The following MCAT variants were observed in gnomAD, a reference collection of about 807,000 sequenced individuals.
MCAT encodes malonyl-CoA-acyl carrier protein transacylase.
Under a neutral mutation model 22.9 loss-of-function variants are expected in MCAT, and 22 were observed. The ratio of observed to expected loss-of-function variants is 0.96; its 90% CI spans 0.69 to 1.37. MCAT has a LOEUF of 1.37. MCAT is among the 40% of genes most tolerant of loss of function. The probability of loss-of-function intolerance (pLI) is 0.00; values close to 1 mark genes in which losing one functional copy is unlikely to be tolerated. For missense variants in MCAT, 534 were observed against 533.6 expected (o/e 1.00, Z -0.01); for synonymous variants, 240 against 233.9 (o/e 1.03, Z -0.24).
chr22:43,136,255 C>CA (rs1188366987), intron 3 of MCAT, among the ~76,000 whole-genome samples: 2 of 151,952 alleles, frequency 1.3e-5, no homozygotes, highest in Non-Finnish European at 2.9e-5. Context: ...AACAAACAAA[C>CA]AAAAAAAGAA....
At chr22:43,141,857 C>T (rs1317155147) in intron 1 of MCAT, among the ~76,000 whole-genome samples, 2 of 152,320 alleles carry the variant, frequency 1.3e-5, no homozygotes, top group East Asian at 1.9e-4. Flanking sequence ...GCATTATAGG[C>T]GTGAGCCACC....
Position 43,143,115 on chromosome 22 carries a change from GC to G in MCAT, c.233del (p.Gly78AlafsTer28). ...CGCGCGGGTAGTTGAGCAGACCGCGGCCCATGCCCACCACCTGGCTGCCCTG... is the reference window on the plus strand; with the variant it reads ...CGCGCGGGTAGTTGAGCAGACCGCGGCCATGCCCACCACCTGGCTGCCCTG... Reference protein sequence around the residue: ...PGQGSQVVGMGRGLLNYPRVR... With the variant: ...PGQGSQVVGMXRGLLNYPRVR... On this transcript the variant is annotated frameshift_variant, in exon 1 of 4. Transcript: ENST00000290429. LOFTEE classifies it high-confidence loss of function. 1 of 1,601,938 alleles carries G rather than the reference GC, an allele frequency of 6.2e-7. No individual in the cohort carries two copies. Among genetic ancestry groups the G allele is most frequent in the South Asian group, 1.1e-5 (1 of 90,464 alleles).
Position 43,141,267 on chromosome 22 carries a change from G to T in MCAT, c.424-18C>A, listed in dbSNP as rs370419115. The T allele has an allele frequency of 1.9e-6, 3 of 1,603,716 alleles. No homozygotes were observed. Among genetic ancestry groups the T allele is most frequent in the Non-Finnish European group, 2.6e-6 (3 of 1,170,816 alleles). ...TCAATCACCTGTGGGGACAGATGCA[G>T]AACGTGAGCCCTCACTCTCCTGGGG... On this transcript the variant is annotated intron_variant, in intron 1 of 3. Coordinates refer to ENST00000290429, the MANE Select transcript of MCAT (RefSeq NM_173467.5).
At chr22:43,136,661 G>A (rs1040180158) in intron 3 of MCAT, among the ~76,000 whole-genome samples, 7 of 152,310 alleles carry the variant, frequency 4.6e-5, no homozygotes, top group South Asian at 2.1e-4. Flanking sequence ...AAGGAAATAC[G>A]GTGGAAAGGA....
At chr22:43,135,332 G>A (rs184583064) in intron 3 of MCAT, among the ~76,000 whole-genome samples, 5 of 152,090 alleles carry the variant, frequency 3.3e-5, no homozygotes, top group African/African-American at 7.2e-5. Flanking sequence ...GTAAAACCCC[G>A]TCTCTAATAA....
At chr22:43,137,574 G>A (rs773539883) in intron 2 of MCAT, among the ~76,000 whole-genome samples, 55 of 152,150 alleles carry the variant, frequency 3.6e-4, no homozygotes, top group Non-Finnish European at 5.3e-4. Context: ...TCAACAGGCC[G>A]GGGGCAGTGT....
At chr22:43,138,200 A>G (rs876495) in intron 2 of MCAT, among the ~76,000 whole-genome samples, 7,231 of 152,280 alleles carry the variant, frequency 0.047, 601 homozygotes, top group African/African-American at 0.17. Context: ...TCCACTGCAC[A>G]CCAGCCTGGT....
intron 2 of MCAT, among the ~76,000 whole-genome samples, chr22:43,138,379 A>AT (rs1930679712): frequency 6.6e-6 from 1 of 152,190 alleles, no homozygotes; most frequent in Non-Finnish European, 1.5e-5. Context: ...ACGAAAACCT[A>AT]TGACTCCTGA....
At chr22:43,142,753 C>G (rs1331134286) in intron 1 of MCAT, 173 bp downstream of exon 1, 3 of 323,116 alleles carry the variant, frequency 9.3e-6, no homozygotes, top group African/African-American at 7.1e-5. Context: ...CTAGCCTGGG[C>G]GACAGAGCGA....
At chr22:43,140,153 A>G (rs907369561) in intron 2 of MCAT, among the ~76,000 whole-genome samples, 6 of 152,076 alleles carry the variant, frequency 3.9e-5, no homozygotes, top group African/African-American at 1.4e-4. Flanking sequence ...TCCAGTCCCA[A>G]TAACCTCTCG....
intron 2 of MCAT, 100 bp downstream of exon 2, chr22:43,141,062 C>G: frequency 1.1e-6 from 1 of 889,250 alleles, no homozygotes; most frequent in Non-Finnish European, 1.9e-6. Context: ...GTGCTCCCTT[C>G]CCATCACCTG....
In MCAT at chr22:43,133,291, G is replaced by A. The variant is rs1569470669; in HGVS notation, c.925C>T (p.Pro309Ser). ...GCCAGCAGCTTGTGGATGTGCCCGG[G>A]ATGCCTGTATCTATGCGCGTGGACG... is the stretch of plus-strand genomic sequence containing the variant. ...SNVHAHRYRH[P>S]GHIHKLLAQQ... The change falls in exon 4 of 4, where the codon CCC (proline) becomes TCC (serine). Residue 309 changes from proline (P) to serine (S), a missense_variant. Transcript: ENST00000290429. The A allele has an allele frequency of 7.4e-6, 12 of 1,614,208 alleles. No homozygotes were observed. The highest frequency in any genetic ancestry group is 1.0e-5 in the Non-Finnish European group (12 of 1,180,028).
chr22:43,141,722 C>T (rs1930774602), intron 1 of MCAT, among the ~76,000 whole-genome samples: 3 of 152,310 alleles, frequency 2.0e-5, no homozygotes, highest in South Asian at 2.1e-4. Context: ...CAGGTGTCCA[C>T]CACCACACTT....
At chr22:43,135,155 CCT>C (rs985049549) in intron 3 of MCAT, among the ~76,000 whole-genome samples, 2 of 152,200 alleles carry the variant, frequency 1.3e-5, no homozygotes, top group African/African-American at 2.4e-5. Flanking sequence ...GGGCTTCCCC[CCT>C]GAGGGGGTAC....
rs190449834 is a variant in MCAT, at chr22:43,137,632, G to A, written c.512-334C>T. 2.1e-4 allele frequency among the ~76,000 whole-genome samples: 32 copies of A among 152,278 alleles called. No individual in the cohort carries two copies. The South Asian group carries it at 6.2e-3, about 30-fold the overall frequency. On this transcript the variant is annotated intron_variant, in intron 2 of 3. Transcript: ENST00000290429. The stretch of plus-strand genomic sequence containing the variant: ...CTGACTAGGGGAGAGTGCCACTGAC[G>A]TCTAGTGGGTAGAGTCCAGGGATGC...
rs374572806 is a variant in MCAT, at chr22:43,133,686, A to G, written c.730-200T>C. ...GGAATCTCTTCTGTCCCAGCCTTCA[A>G]ATAAGCACAGTTCCATCTACTTCAC... is the stretch of plus-strand genomic sequence containing the variant. On this transcript the variant is annotated intron_variant, in intron 3 of 3. Transcript: ENST00000290429. Among the ~76,000 whole-genome samples, 40 of 152,322 alleles carry G rather than the reference A, an allele frequency of 2.6e-4. 1 individual carries two copies. Among genetic ancestry groups the G allele is most frequent in the African/African-American group, 7.9e-4 (33 of 41,578 alleles).
At position 43,133,103 on chromosome 22, in the gene MCAT, GGCGCT is replaced by G; in HGVS notation, c.1108_1112del (p.Ser370ArgfsTer79). The G allele has an allele frequency of 6.2e-7, 1 of 1,614,164 alleles. No individual in the cohort carries two copies. The stretch of plus-strand genomic sequence containing the variant: ...GTTCGAGGGTCTGCAGCACATCCAC[GGCGCT>G]GTAGGACTTCCAGGCCTGCATGTTA... On this transcript the variant is annotated frameshift_variant, in exon 4 of 4. Coordinates refer to ENST00000290429, the MANE Select transcript of MCAT (RefSeq NM_173467.5). LOFTEE classifies it low-confidence loss of function (END_TRUNC).
Position 43,133,168 on chromosome 22 carries a change from G to T in MCAT, c.1048C>A (p.Pro350Thr). The T allele has an allele frequency of 6.2e-7, 1 of 1,614,212 alleles. No homozygotes were observed. Residue 350 changes from proline (P) to threonine (T), a missense_variant, in exon 4 of 4, where the codon CCT becomes ACT. Pro to Thr is a conservative substitution (Grantham distance 38). Coordinates refer to ENST00000290429, the MANE Select transcript of MCAT (RefSeq NM_173467.5). ...RGFPQTFEVGPGRQLGAILKS... is the reference protein window; with the variant it reads ...RGFPQTFEVGTGRQLGAILKS... The stretch of plus-strand genomic sequence containing the variant: ...AGGATGGCTCCCAGCTGCCTGCCAG[G>T]GCCTACTTCGAAAGTTTGGGGGAAC...
chr22:43,142,526 C>T (rs979882187), intron 1 of MCAT, among the ~76,000 whole-genome samples: 6 of 151,988 alleles, frequency 3.9e-5, no homozygotes, highest in African/African-American at 1.2e-4. Context: ...GTGGCTCATG[C>T]CTGTAATCCC....
Sources: gnomAD v4.1 joint callset for allele counts (sites outside exome capture counted in the v4.1 genomes callset) on GRCh38, gnomAD v4.1.1 for gene constraint, MANE v1.5 for transcripts, NCBI Gene and HGNC (gene_info 2026-07-23, HGNC 2026-07-21) for gene names.